Variants in MPP4 observed in about 807,000 individuals in gnomAD.
MPP4 encodes MAGUK p55 subfamily member 4.
MPP4 carries 91 observed loss-of-function variants against 98.3 expected under a neutral mutation model. That is an observed-to-expected ratio of 0.93 (90% CI 0.78 to 1.10). The LOEUF is 1.10. Among genes scored for constraint, MPP4 ranks in the 50% least tolerant of loss-of-function variants. The pLI, the probability that MPP4 is intolerant of heterozygous loss-of-function variation, is 0.00. For synonymous variants in MPP4, 261 were observed against 271.8 expected (o/e 0.96, Z 0.39); for missense variants, 744 against 792.9 (o/e 0.94, Z 0.74).
rs780402408 is a variant in MPP4, at chr2:201,681,427, G to C, written c.732+69C>G. ...ACAGTACAAAGGATAGGATTATTACGCATCATATTTAGTTGCTGTTACTTG... is the reference window on the plus strand; with the variant it reads ...ACAGTACAAAGGATAGGATTATTACCCATCATATTTAGTTGCTGTTACTTG... On this transcript the variant is annotated intron_variant, in intron 9 of 21. Coordinates refer to ENST00000409474, the MANE Select transcript of MPP4 (RefSeq NM_033066.3). The C allele has an allele frequency of 4.1e-6, 5 of 1,214,974 alleles. No individual in the cohort carries two copies. The East Asian group carries it at 9.4e-5, about 23-fold the overall frequency. The allele number at this position is 1,214,974 out of a possible 1,614,324, so 75.3% of individuals were successfully genotyped here.
At chr2:201,677,850 T>C (rs1688552082) in intron 10 of MPP4, among the ~76,000 whole-genome samples, 1 of 152,204 alleles carries the variant, frequency 6.6e-6, no homozygotes, top group African/African-American at 2.4e-5. Context: ...CCTCATTTAT[T>C]GAGGCTCAGA....
At chr2:201,646,298 C>T (rs573929539) in intron 21 of MPP4, among the ~76,000 whole-genome samples, 1 of 152,162 alleles carries the variant, frequency 6.6e-6, no homozygotes, top group African/African-American at 2.4e-5. Flanking sequence ...ACAAAATGGC[C>T]ACTTTCAACA....
intron 4 of MPP4, 101 bp from the exon 5 acceptor site, chr2:201,687,472 A>G: frequency 1.2e-6 from 1 of 819,352 alleles, no homozygotes; most frequent in Non-Finnish European, 1.9e-6. Flanking sequence ...CATGATATTG[A>G]CCTTTAAAAA....
chr2:201,691,562 G>A (rs1199020568), intron 3 of MPP4, among the ~76,000 whole-genome samples: 1 of 152,144 alleles, frequency 6.6e-6, no homozygotes, highest in African/African-American at 2.4e-5. Context: ...CTGTCACACA[G>A]GCTGGAGTGC....
chr2:201,675,077 T>C (rs1688465517), intron 11 of MPP4, 130 bp downstream of exon 11: 2 of 1,061,938 alleles, frequency 1.9e-6, no homozygotes, highest in Non-Finnish European at 2.8e-6. Context: ...TTCAAGGAGA[T>C]TGATTTAAAT....
intron 18 of MPP4, chr2:201,651,383 C>A: frequency 1.0e-6 from 1 of 985,354 alleles, no homozygotes; most frequent in Non-Finnish European, 1.2e-6. Flanking sequence ...AAACAAAATT[C>A]TAGTAAAACC....
chr2:201,690,577 T>C (rs890609490), intron 3 of MPP4, among the ~76,000 whole-genome samples: 1 of 152,146 alleles, frequency 6.6e-6, no homozygotes. Flanking sequence ...AGAGTGAGGG[T>C]AGGGTGTCTG....
At chr2:201,657,193 A>C (rs1011183915) in intron 16 of MPP4, among the ~76,000 whole-genome samples, 1 of 152,156 alleles carries the variant, frequency 6.6e-6, no homozygotes, top group African/African-American at 2.4e-5. Flanking sequence ...CAGGGTAGAA[A>C]GAGTGGAGCA....
intron 17 of MPP4, among the ~76,000 whole-genome samples, chr2:201,655,830 A>G (rs1687831424): frequency 6.6e-6 from 1 of 152,194 alleles, no homozygotes; most frequent in South Asian, 2.1e-4. Context: ...TTCTCAGGGA[A>G]ATGGACCTTA....
At chr2:201,698,036 C>G (rs1689243153) in intron 1 of MPP4, 1 of 985,494 alleles carries the variant, frequency 1.0e-6, no homozygotes, top group Non-Finnish European at 1.2e-6. Context: ...AAGTAAGCAC[C>G]CACCACATGC....
intron 1 of MPP4, among the ~76,000 whole-genome samples, chr2:201,696,635 A>G (rs1041363342): frequency 6.6e-6 from 1 of 152,210 alleles, no homozygotes; most frequent in Admixed American, 6.5e-5. Flanking sequence ...GGCACACACT[A>G]GAGACTACAT....
chr2:201,686,056 C>A lies in MPP4; in HGVS notation c.361-6G>T. On this transcript the variant is annotated splice_region_variant and splice_polypyrimidine_tract_variant and intron_variant, in intron 5 of 21. Coordinates refer to ENST00000409474, the MANE Select transcript of MPP4 (RefSeq NM_033066.3). ...TCATGGGCACTGAGCAAGGCCTGGG[C>A]ACAGGGAAGGAAAAGGTGAGCAAAT... is the stretch of plus-strand genomic sequence containing the variant. 6.2e-7 allele frequency: 1 copy of A among 1,610,430 alleles called. No individual in the cohort carries two copies. Among genetic ancestry groups the A allele is most frequent in the Non-Finnish European group, 8.5e-7 (1 of 1,177,158 alleles).
rs759859055 is a variant in MPP4, at chr2:201,647,774, TTATAAA to T, written c.1630_1635del (p.Phe544_Ile545del). On this transcript the variant is annotated inframe_deletion, in exon 21 of 22. Transcript: ENST00000409474. ...TTCATACACCTCATATTCGATGGCTTTATAAATATGACATAGGGCTTCAGTTCATGG... is the reference window on the plus strand; with the variant it reads ...TTCATACACCTCATATTCGATGGCTTTATGACATAGGGCTTCAGTTCATGG... 7 of 1,613,948 alleles carry T rather than the reference TTATAAA, an allele frequency of 4.3e-6. No individual in the cohort carries two copies. Among genetic ancestry groups the T allele is most frequent in the Non-Finnish European group, 5.9e-6 (7 of 1,179,818 alleles).
Position 201,690,106 on chromosome 2 carries a change from C to G in MPP4, c.279+96G>C, listed in dbSNP as rs560728101. ...ATTAGATGCATAGTCATCAATAAAACTTTTCCTTAGAACCTTTAATTCATT... is the reference window on the plus strand; with the variant it reads ...ATTAGATGCATAGTCATCAATAAAAGTTTTCCTTAGAACCTTTAATTCATT... On this transcript the variant is annotated intron_variant, in intron 4 of 21. Transcript: ENST00000409474. 17 of 746,036 alleles carry G rather than the reference C, an allele frequency of 2.3e-5. No individual in the cohort carries two copies. The African/African-American group carries it at 2.8e-4, about 12-fold the overall frequency. 46.2% of individuals were successfully genotyped at this position (746,036 alleles called of 1,614,324 possible).
chr2:201,693,122 C>T (rs1241170868), intron 2 of MPP4, 93 bp from the exon 3 acceptor site: 3 of 1,426,280 alleles, frequency 2.1e-6, no homozygotes, highest in Middle Eastern at 2.5e-4. Flanking sequence ...GGGGTCTCAC[C>T]AGGAGTGGAA....
intron 14 of MPP4, among the ~76,000 whole-genome samples, chr2:201,660,646 C>T (rs953623064): frequency 1.3e-5 from 2 of 152,132 alleles, no homozygotes; most frequent in African/African-American, 4.8e-5. Flanking sequence ...AATAGGGCTT[C>T]AAAGGGAGAA....
rs1688802508 is a variant in MPP4 at position 201,685,488 on chromosome 2, TA to T, written c.493-344del. Among the ~76,000 whole-genome samples the T allele has an allele frequency of 2.0e-5, 3 of 152,282 alleles. No individual in the cohort carries two copies. The South Asian group carries it at 6.2e-4, about 32-fold the overall frequency. Reference sequence around the variant, plus strand: ...AAGAATACTTAGATTCATCCAAAGATACAGAAACCTCCCACAATTAAAACCT... The same window carrying T: ...AAGAATACTTAGATTCATCCAAAGATCAGAAACCTCCCACAATTAAAACCT... On this transcript the variant is annotated intron_variant, in intron 6 of 21. Coordinates refer to ENST00000409474, the MANE Select transcript of MPP4 (RefSeq NM_033066.3).
chr2:201,666,368 A>G lies in MPP4; in HGVS notation c.1017T>C (p.Asp339=), dbSNP rs1688173596. Residue 339 remains aspartate (D), a synonymous_variant, in exon 13 of 22, where the codon GAT becomes GAC. Transcript: ENST00000409474. ...CACATTTCTCATCAATCTTCATGTC[A>G]TCTTCTATAAAAGAGTATAGAAAGG... ...STLSISMEEE[D]DMKIDEKCVE... is the part of the protein sequence containing the mutation. 1 of 1,552,514 alleles carries G rather than the reference A, an allele frequency of 6.4e-7. No individual in the cohort carries two copies. Among genetic ancestry groups the G allele is most frequent in the East Asian group, 2.4e-5 (1 of 41,746 alleles).
At position 201,693,979 on chromosome 2, in the gene MPP4, G is replaced by A; in HGVS notation, c.-25C>T. ...TCCTCCCTGCCGGAGCTTCTGAAAG[G>A]AATTCAGGACTAGGAAGCGGGTCAA... On this transcript the variant is annotated 5_prime_UTR_variant, in exon 2 of 22. Coordinates refer to ENST00000409474, the MANE Select transcript of MPP4 (RefSeq NM_033066.3). 1 of 1,613,892 alleles carries A rather than the reference G, an allele frequency of 6.2e-7. No individual in the cohort carries two copies. Among genetic ancestry groups the A allele is most frequent in the Non-Finnish European group, 8.5e-7 (1 of 1,179,808 alleles).
Sources: allele counts gnomAD v4.1 joint callset (sites outside exome capture counted in the v4.1 genomes callset), GRCh38; gene constraint gnomAD v4.1.1; transcripts MANE v1.5; gene names NCBI Gene and HGNC (gene_info 2026-07-23, HGNC 2026-07-21).